Variants in WDFY3 observed in about 807,000 individuals in gnomAD.
WDFY3 encodes WD repeat and FYVE domain-containing protein 3.
Under a neutral mutation model 409.6 loss-of-function variants are expected in WDFY3, and 66 were observed. The ratio of observed to expected loss-of-function variants is 0.16; its 90% CI spans 0.13 to 0.20. WDFY3 has a LOEUF of 0.20. Among genes scored for constraint, WDFY3 ranks in the 10% least tolerant of loss-of-function variants. WDFY3 has a pLI of 1.00. For synonymous variants in WDFY3, 1,521 were observed against 1,537.1 expected, an observed-to-expected ratio of 0.99 and a Z score of 0.25; for missense variants, 3,031 against 4,298.1, an observed-to-expected ratio of 0.71 and a Z score of 8.24.
intron 62 of WDFY3, among the ~76,000 whole-genome samples, chr4:84,686,248 T>C (rs1026842761): frequency 2.6e-5 from 4 of 151,974 alleles, no homozygotes; most frequent in Non-Finnish European, 5.9e-5. Flanking sequence ...GGAGCTTGCA[T>C]TGAGCCGACA....
At chr4:84,869,806 A>C (rs1194327693) in intron 3 of WDFY3, among the ~76,000 whole-genome samples, 1 of 152,200 alleles carries the variant, frequency 6.6e-6, no homozygotes, top group Non-Finnish European at 1.5e-5. Flanking sequence ...TATGGAATAC[A>C]AATAGACTAC....
At chr4:84,860,283 C>T (rs751228362) in intron 4 of WDFY3, 129 bp downstream of exon 4, 58 of 1,086,790 alleles carry the variant, frequency 5.3e-5, no homozygotes, top group Non-Finnish European at 6.9e-5. Context: ...AAACATGAAA[C>T]GAGAACACCA....
chr4:84,887,018 C>A (rs1764328375), intron 3 of WDFY3, among the ~76,000 whole-genome samples: 1 of 152,096 alleles, frequency 6.6e-6, no homozygotes, highest in African/African-American at 2.4e-5. Context: ...AAACATCAAC[C>A]ATTATGCTGA....
intron 34 of WDFY3, among the ~76,000 whole-genome samples, chr4:84,754,436 C>T (rs968267588): frequency 4.6e-5 from 7 of 152,140 alleles, no homozygotes; most frequent in Non-Finnish European, 7.4e-5. Context: ...GGCACCAAAA[C>T]GAGACTCCTA....
intron 53 of WDFY3, among the ~76,000 whole-genome samples, chr4:84,707,503 TGA>T (rs1188108666): frequency 1.3e-5 from 2 of 152,098 alleles, no homozygotes; most frequent in Admixed American, 1.3e-4. Context: ...TGCCATTTCC[TGA>T]GATGGGGAAT....
chr4:84,787,336 T>C (rs576608720), intron 23 of WDFY3, 146 bp downstream of exon 23: 5 of 722,262 alleles, frequency 6.9e-6, no homozygotes, highest in African/African-American at 5.3e-5. Context: ...ATATTTTCAA[T>C]AGGAGTGAGT....
chr4:84,955,982 T>C (rs181988120), intron 1 of WDFY3, among the ~76,000 whole-genome samples: 31 of 152,188 alleles, frequency 2.0e-4, no homozygotes, highest in Non-Finnish European at 4.3e-4. Flanking sequence ...TCAGTTGTCC[T>C]TTGAAAAAAA....
Position 84,801,865 on chromosome 4 carries a change from C to G in WDFY3, c.2608-1G>C. The stretch of plus-strand genomic sequence containing the variant: ...CGGCAAGTTGAAGATCCAAAGCATG[C>G]TAAAATCAACAAAGAAATCCACACA... On this transcript the variant is annotated splice_acceptor_variant, in intron 16 of 67. Transcript: ENST00000295888. LOFTEE classifies it high-confidence loss of function. 6.2e-7 allele frequency: 1 copy of G among 1,612,690 alleles called. No individual in the cohort carries two copies. The highest frequency in any genetic ancestry group is 8.5e-7 in the Non-Finnish European group (1 of 1,178,906).
At chr4:84,686,774 T>C (rs1047406227) in intron 62 of WDFY3, among the ~76,000 whole-genome samples, 1 of 152,120 alleles carries the variant, frequency 6.6e-6, no homozygotes, top group Admixed American at 6.5e-5. Context: ...TGACACACAT[T>C]ATCTACTTGC....
At chr4:84,918,372 T>G (rs1768790791) in intron 2 of WDFY3, among the ~76,000 whole-genome samples, 1 of 152,152 alleles carries the variant, frequency 6.6e-6, no homozygotes, top group African/African-American at 2.4e-5. Context: ...CTCTATGAAC[T>G]GATATGGAAT....
chr4:84,729,391 GA>G (rs1040774249), intron 44 of WDFY3, among the ~76,000 whole-genome samples: 6 of 151,830 alleles, frequency 4.0e-5, no homozygotes, highest in Admixed American at 2.0e-4. Context: ...TTTTAATTAT[GA>G]AAATTACTCC....
At chr4:84,787,342 T>G in intron 23 of WDFY3, 140 bp downstream of exon 23, 1 of 743,338 alleles carries the variant, frequency 1.3e-6, no homozygotes, top group Non-Finnish European at 2.2e-6. Flanking sequence ...TCAATAGGAG[T>G]GAGTATCCTG....
Position 84,724,555 on chromosome 4 carries a change from T to C in WDFY3, c.7312A>G (p.Lys2438Glu). The C allele has an allele frequency of 6.2e-7, 1 of 1,614,086 alleles. No homozygotes were observed. Among genetic ancestry groups the C allele is most frequent in the South Asian group, 1.1e-5 (1 of 91,070 alleles). The change falls in exon 46 of 68, where the codon AAA becomes GAA. Residue 2438 changes from lysine to glutamate, a missense_variant. Physicochemically the swap from Lys to Glu is moderately conservative, Grantham distance 56 (BLOSUM62 1). Coordinates refer to ENST00000295888, the MANE Select transcript of WDFY3 (RefSeq NM_014991.6). ...GAGGCCAGTCGCATGTAGTACTCTT[T>C]ACTGTCATAACTTACGGCTCTTCTA... is the stretch of plus-strand genomic sequence containing the variant. Reference protein sequence around the residue: ...RYRRAVSYDSKEYYMRLASGN... With the variant: ...RYRRAVSYDSEEYYMRLASGN...
At chr4:84,944,805 A>T (rs551410856) in intron 1 of WDFY3, among the ~76,000 whole-genome samples, 26 of 152,230 alleles carry the variant, frequency 1.7e-4, no homozygotes, top group Non-Finnish European at 3.1e-4. Context: ...AAAATAAATA[A>T]AAATAAATAA....
Position 84,774,991 on chromosome 4 carries a change from A to T in WDFY3, c.4593-10T>A. 1.2e-6 allele frequency: 2 copies of T among 1,613,400 alleles called. No homozygotes were observed. Among genetic ancestry groups the T allele is most frequent in the Non-Finnish European group, 1.7e-6 (2 of 1,179,754 alleles). On this transcript the variant is annotated splice_polypyrimidine_tract_variant and intron_variant, in intron 28 of 67. Coordinates refer to ENST00000295888, the MANE Select transcript of WDFY3 (RefSeq NM_014991.6). ...ATTCTTTGAGGCTTCACTATAAGAGAAAGAAGATTTTATACACTGTACTAT... is the reference window on the plus strand; with the variant it reads ...ATTCTTTGAGGCTTCACTATAAGAGTAAGAAGATTTTATACACTGTACTAT...
At chr4:84,685,313 A>C (rs997674518) in intron 62 of WDFY3, among the ~76,000 whole-genome samples, 1 of 152,214 alleles carries the variant, frequency 6.6e-6, no homozygotes, top group Non-Finnish European at 1.5e-5. Flanking sequence ...TTCCATCCAC[A>C]GTCTGTGCTG....
At chr4:84,693,280 G>A (rs929345476) in intron 58 of WDFY3, among the ~76,000 whole-genome samples, 3 of 152,330 alleles carry the variant, frequency 2.0e-5, no homozygotes, top group Admixed American at 6.5e-5. Flanking sequence ...TCTATGCTAA[G>A]CTGAATTCAC....
At chr4:84,759,030 A>C (rs1741991079) in intron 32 of WDFY3, among the ~76,000 whole-genome samples, 1 of 152,198 alleles carries the variant, frequency 6.6e-6, no homozygotes, top group Non-Finnish European at 1.5e-5. Flanking sequence ...ATGGCTAGGC[A>C]GTTTTCCCAG....
intron 3 of WDFY3, among the ~76,000 whole-genome samples, chr4:84,864,365 C>CA (rs35016773): frequency 0.09 from 2,796 of 30,918 alleles, 125 homozygotes; most frequent in East Asian, 0.16. Context: ...GACTCCATCT[C>CA]AAAAAAAAAA....
Sources: allele counts gnomAD v4.1 joint callset (sites outside exome capture counted in the v4.1 genomes callset), GRCh38; gene constraint gnomAD v4.1.1; transcripts MANE v1.5; gene names NCBI Gene and HGNC (gene_info 2026-07-23, HGNC 2026-07-21).